Variants in PRKN observed in about 807,000 individuals in gnomAD.
PRKN encodes parkin RBR E3 ubiquitin protein ligase, also known as E3 ubiquitin-protein ligase parkin.
PRKN carries 56 observed loss-of-function variants against 59.5 expected under a neutral mutation model. The observed-to-expected ratio is 0.94, with a 90% confidence interval of 0.76 to 1.18. The LOEUF (loss-of-function observed/expected upper bound fraction) is 1.18, where lower values mean the gene tolerates loss of function less well. PRKN is among the 50% of genes most tolerant of loss of function. The pLI is 0.00. For synonymous variants in PRKN, 250 were observed against 222.1 expected (o/e 1.13, Z -1.12); for missense variants, 657 against 596.4 (o/e 1.10, Z -1.06).
chr6:161,779,439 T>C (rs556419303), intron 7 of PRKN, among the ~76,000 whole-genome samples: 2 of 99,986 alleles, frequency 2.0e-5, no homozygotes, highest in African/African-American at 3.8e-5. Flanking sequence ...TCTTTTCTTT[T>C]CTTTTTTTTT....
chr6:161,898,286 A>G (rs1159823053), intron 6 of PRKN, among the ~76,000 whole-genome samples: 1 of 152,088 alleles, frequency 6.6e-6, no homozygotes, highest in South Asian at 2.1e-4. Flanking sequence ...TTTTACTTAA[A>G]GTTTCATGAG....
intron 6 of PRKN, among the ~76,000 whole-genome samples, chr6:161,832,391 C>T (rs796709547): frequency 7.2e-5 from 11 of 151,930 alleles, no homozygotes; most frequent in African/African-American, 1.4e-4. Context: ...TTTGGGAGTC[C>T]GAGGTGGGCA....
chr6:162,291,000 T>C (rs1230352337), intron 2 of PRKN, among the ~76,000 whole-genome samples: 2 of 152,196 alleles, frequency 1.3e-5, no homozygotes, highest in Non-Finnish European at 2.9e-5. Flanking sequence ...TCTGAGATAG[T>C]AGGATAACTG....
At chr6:162,226,349 G>T (rs951739387) in intron 3 of PRKN, among the ~76,000 whole-genome samples, 2 of 152,058 alleles carry the variant, frequency 1.3e-5, no homozygotes, top group Non-Finnish European at 2.9e-5. Flanking sequence ...CCCCTTCCTG[G>T]GTGCTGTGGA....
chr6:162,580,253 A>T (rs1486979219), intron 1 of PRKN, among the ~76,000 whole-genome samples: 1 of 152,068 alleles, frequency 6.6e-6, no homozygotes, highest in Non-Finnish European at 1.5e-5. Context: ...CCTGGGTAAC[A>T]TTGCGGAACC....
intron 6 of PRKN, among the ~76,000 whole-genome samples, chr6:161,865,072 G>A (rs947043748): frequency 6.6e-6 from 1 of 152,180 alleles, no homozygotes; most frequent in Non-Finnish European, 1.5e-5. Context: ...GCTGCAGAAT[G>A]GGTGTTGTGT....
In PRKN at chr6:161,460,885, G is replaced by C. The variant is rs552054765; in HGVS notation, c.1084-74008C>G. On this transcript the variant is annotated intron_variant, in intron 9 of 11. Coordinates refer to ENST00000366898, the MANE Select transcript of PRKN (RefSeq NM_004562.3). The surrounding 1 kb of genome is among the most constrained non-coding windows in gnomAD (Gnocchi z 5.0). ...CTGCCTCGGCCTCCCAAGTAGCTGG[G>C]ACTACAGGTACGCACCACCACGCCC... 2.6e-5 allele frequency among the ~76,000 whole-genome samples: 4 copies of C among 151,692 alleles called. No homozygotes were observed. The highest frequency in any genetic ancestry group is 9.7e-5 in the African/African-American group (4 of 41,300).
At chr6:161,817,195 G>T (rs1434309413) in intron 6 of PRKN, among the ~76,000 whole-genome samples, 1 of 152,158 alleles carries the variant, frequency 6.6e-6, no homozygotes, top group Non-Finnish European at 1.5e-5. Context: ...TGAAGGAAAA[G>T]AATAGGAAGA....
In PRKN at chr6:162,269,104, A is replaced by G. The variant is rs145330206; in HGVS notation, c.172-6339T>C. Among the ~76,000 whole-genome samples, 569 of 152,220 alleles carry G rather than the reference A, an allele frequency of 3.7e-3. 5 individuals carry two copies. Among genetic ancestry groups the G allele is most frequent in the Admixed American group, 7.1e-3 (109 of 15,288 alleles). ...GATGGTATAGGTGAGCTGGTAACAC[A>G]CCTCGCAGACTCCGGATGCTGGTGC... On this transcript the variant is annotated intron_variant, in intron 2 of 11. Transcript: ENST00000366898.
Position 162,727,755 on chromosome 6 carries a change from G to A in PRKN, c.-87C>T. 1.4e-6 allele frequency: 2 copies of A among 1,406,730 alleles called. No homozygotes were observed. The highest frequency in any genetic ancestry group is 2.0e-6 in the Non-Finnish European group (2 of 1,017,790). 87.1% of individuals were successfully genotyped at this position (1,406,730 alleles called of 1,614,324 possible). On this transcript the variant is annotated 5_prime_UTR_variant, in exon 1 of 12. Transcript: ENST00000366898. ...CGCGCCTCCCACCAGCGGCTCTCCTGGGTTAAATCCTCCAGGCCTCCCCGC... is the reference window on the plus strand; with the variant it reads ...CGCGCCTCCCACCAGCGGCTCTCCTAGGTTAAATCCTCCAGGCCTCCCCGC...
intron 6 of PRKN, among the ~76,000 whole-genome samples, chr6:161,828,575 C>T (rs2128218133): frequency 6.6e-6 from 1 of 152,252 alleles, no homozygotes; most frequent in South Asian, 2.1e-4. Context: ...GCTCTGCTTC[C>T]CGCCCCTCTG....
intron 1 of PRKN, among the ~76,000 whole-genome samples, chr6:162,529,738 G>C (rs971804678): frequency 1.5e-4 from 23 of 152,288 alleles, no homozygotes; most frequent in African/African-American, 5.1e-4. Flanking sequence ...TCCATCCCTA[G>C]GGAAAGGCAA....
intron 7 of PRKN, among the ~76,000 whole-genome samples, chr6:161,664,613 T>C (rs116182551): frequency 6.6e-6 from 1 of 152,178 alleles, no homozygotes; most frequent in Non-Finnish European, 1.5e-5. Flanking sequence ...AGCTTATATA[T>C]GTCAAAGCCT....
chr6:162,277,811 C>G (rs548769827), intron 2 of PRKN, among the ~76,000 whole-genome samples: 16 of 152,166 alleles, frequency 1.1e-4, no homozygotes, highest in Admixed American at 8.5e-4. Context: ...ACAGAACTCT[C>G]GTTCATTGCT....
chr6:161,550,532 A>G lies in PRKN; in HGVS notation c.934-1529T>C, dbSNP rs1311986844. Among the ~76,000 whole-genome samples, 4 of 152,140 alleles carry G rather than the reference A, an allele frequency of 2.6e-5. No homozygotes were observed. Among genetic ancestry groups the G allele is most frequent in the Non-Finnish European group, 1.5e-5 (1 of 68,024 alleles). On this transcript the variant is annotated intron_variant, in intron 8 of 11. Transcript: ENST00000366898. The surrounding 1 kb of genome is among the most constrained non-coding windows in gnomAD (Gnocchi z 4.0). ...TGGCACTGGCTTGAACCGGGAAGGT[A>G]GTGCTGGAGGTAGGATGAGTGTTTG... is the stretch of plus-strand genomic sequence containing the variant.
chr6:162,568,496 C>A, intron 1 of PRKN: 1 of 679,090 alleles, frequency 1.5e-6, no homozygotes, highest in Non-Finnish European at 2.7e-6. Flanking sequence ...GAGGCATCAC[C>A]GCCGTTGTGG....
chr6:162,309,050 G>C (rs1452316367), intron 2 of PRKN, among the ~76,000 whole-genome samples: 1 of 152,128 alleles, frequency 6.6e-6, no homozygotes, highest in African/African-American at 2.4e-5. Context: ...GTGTCTCAGA[G>C]ACTGGCTTCA....
At chr6:162,681,818 C>G (rs969709355) in intron 1 of PRKN, among the ~76,000 whole-genome samples, 1 of 152,048 alleles carries the variant, frequency 6.6e-6, no homozygotes, top group Non-Finnish European at 1.5e-5. Context: ...AGAATATTCT[C>G]TATTTGGGTC....
In PRKN at chr6:161,502,469, T is replaced by C. The variant is rs1434261578; in HGVS notation, c.1083+46385A>G. Among the ~76,000 whole-genome samples the C allele has an allele frequency of 6.6e-6, 1 of 152,102 alleles. No homozygotes were observed. The highest frequency in any genetic ancestry group is 1.5e-5 in the Non-Finnish European group (1 of 68,012). On this transcript the variant is annotated intron_variant, in intron 9 of 11. Coordinates refer to ENST00000366898, the MANE Select transcript of PRKN (RefSeq NM_004562.3). This position sits in a 1 kb window ranked among gnomAD's most constrained non-coding sequence, Gnocchi z 4.0. ...AAGGTTTCCCAGCACCCCAAGCTAC[T>C]TGCCTTCCCACCCCTTCTCTTCTGA...
Sources: allele counts gnomAD v4.1 joint callset (sites outside exome capture counted in the v4.1 genomes callset), GRCh38; gene constraint gnomAD v4.1.1; non-coding constraint Gnocchi (gnomAD v3.1); transcripts MANE v1.5; gene names NCBI Gene and HGNC (gene_info 2026-07-23, HGNC 2026-07-21).